Variants in KIRREL3 observed in about 807,000 individuals in gnomAD.
The protein encoded by KIRREL3 is kirre like nephrin family adhesion molecule 3.
In KIRREL3, 36 loss-of-function variants were observed where a neutral mutation model predicts 89.7. That is an observed-to-expected ratio of 0.40 (90% CI 0.31 to 0.53). The LOEUF is 0.53. Ranked by LOEUF, KIRREL3 falls within the 20% of genes least tolerant of loss-of-function variation. KIRREL3 has a pLI of 0.49. For missense variants in KIRREL3, 864 were observed against 1,056.6 expected (o/e 0.82, Z 2.53); for synonymous variants, 445 against 441.4 (o/e 1.01, Z -0.10).
chr11:126,679,290 A>G (rs1946344892), intron 1 of KIRREL3, among the ~76,000 whole-genome samples: 1 of 152,200 alleles, frequency 6.6e-6, no homozygotes, highest in Non-Finnish European at 1.5e-5. Flanking sequence ...TGTTAAGCAA[A>G]CAATATATAG....
chr11:126,673,239 A>G (rs1324064956), intron 1 of KIRREL3, among the ~76,000 whole-genome samples: 3 of 152,262 alleles, frequency 2.0e-5, no homozygotes, highest in African/African-American at 7.2e-5. Flanking sequence ...ACTTGGCTCG[A>G]AAGAGCGGAG....
intron 1 of KIRREL3, among the ~76,000 whole-genome samples, chr11:126,815,582 G>A (rs192610793): frequency 1.3e-5 from 2 of 152,194 alleles, no homozygotes; most frequent in East Asian, 3.9e-4. Context: ...CGCCCAGGCT[G>A]GAGTGCAGTG....
chr11:126,580,444 G>A (rs552090456), intron 1 of KIRREL3, among the ~76,000 whole-genome samples: 2 of 152,292 alleles, frequency 1.3e-5, no homozygotes, highest in East Asian at 1.9e-4. Context: ...AATGGCTTGA[G>A]CCAAGGGTTC....
rs1260273883 is a variant in KIRREL3, at chr11:126,612,938, T to C, written c.56-50026A>G. On this transcript the variant is annotated intron_variant, in intron 1 of 16. Transcript: ENST00000525144. This position sits in a 1 kb window ranked among gnomAD's most constrained non-coding sequence, Gnocchi z 4.5. ...TCGGCTATTGTGAATACTGCTGCTA[T>C]GAACATCTGTGTAAAGTTTTTGTGT... Among the ~76,000 whole-genome samples the C allele has an allele frequency of 6.6e-6, 1 of 152,252 alleles. No homozygotes were observed. The highest frequency in any genetic ancestry group is 2.4e-5 in the African/African-American group (1 of 41,458).
chr11:126,824,012 T>C (rs977878136), intron 1 of KIRREL3, among the ~76,000 whole-genome samples: 13 of 152,180 alleles, frequency 8.5e-5, no homozygotes, highest in Non-Finnish European at 1.5e-4. Flanking sequence ...TTGATGCTGA[T>C]TAAAGCTGAA....
In KIRREL3 at chr11:126,876,410, T is replaced by G. The variant is rs1362278010; in HGVS notation, c.55+124045A>C. Among the ~76,000 whole-genome samples, 1 of 152,196 alleles carries G rather than the reference T, an allele frequency of 6.6e-6. No individual in the cohort carries two copies. The highest frequency in any genetic ancestry group is 2.4e-5 in the African/African-American group (1 of 41,442). ...GGTGCCCATCTGGATAATTTCATCC[T>G]ACAGCACACCCAGGGAGAAAGAAGC... On this transcript the variant is annotated intron_variant, in intron 1 of 16. Coordinates refer to ENST00000525144, the MANE Select transcript of KIRREL3 (RefSeq NM_032531.4). The surrounding 1 kb of genome is among the most constrained non-coding windows in gnomAD (Gnocchi z 4.1).
intron 1 of KIRREL3, among the ~76,000 whole-genome samples, chr11:126,982,256 G>C (rs1949741936): frequency 6.6e-6 from 1 of 152,166 alleles, no homozygotes; most frequent in Non-Finnish European, 1.5e-5. Flanking sequence ...GCTTGTTAAG[G>C]TAGAGCTGTC....
chr11:126,904,404 G>C lies in KIRREL3; in HGVS notation c.55+96051C>G, dbSNP rs973651987. ...TTTACTGCATCTCTGACTGCAATAA[G>C]ACTGATCACTAGTGGGGATAGTGCA... On this transcript the variant is annotated intron_variant, in intron 1 of 16. Transcript: ENST00000525144. The surrounding 1 kb of genome is among the most constrained non-coding windows in gnomAD (Gnocchi z 4.4). Among the ~76,000 whole-genome samples, 1 of 152,168 alleles carries C rather than the reference G, an allele frequency of 6.6e-6. No individual in the cohort carries two copies. The highest frequency in any genetic ancestry group is 1.5e-5 in the Non-Finnish European group (1 of 68,034).
chr11:126,556,615 T>A (rs1314699484), intron 2 of KIRREL3, among the ~76,000 whole-genome samples: 1 of 152,204 alleles, frequency 6.6e-6, no homozygotes, highest in East Asian at 1.9e-4. Context: ...TCTAGCAGAA[T>A]GAAACCTTGT....
intron 1 of KIRREL3, among the ~76,000 whole-genome samples, chr11:126,826,436 C>A (rs1592184010): frequency 6.6e-6 from 1 of 152,188 alleles, no homozygotes; most frequent in South Asian, 2.1e-4. Flanking sequence ...TTTTTTATTG[C>A]TGTTTATTAA....
At chr11:126,436,776 G>T in intron 12 of KIRREL3, 35 bp downstream of exon 12, 1 of 1,610,980 alleles carries the variant, frequency 6.2e-7, no homozygotes, top group Non-Finnish European at 8.5e-7. Context: ...TGGTTCCATC[G>T]TTCGTTGTTC....
In KIRREL3 at chr11:126,568,335, C is replaced by T. The variant is rs917046802; in HGVS notation, c.56-5423G>A. ...AGAGAAGGGAGGCTGGCTGGGAGAC[C>T]GCTGCCATACTCCAGGTGGGAGATG... On this transcript the variant is annotated intron_variant, in intron 1 of 16. Coordinates refer to ENST00000525144, the MANE Select transcript of KIRREL3 (RefSeq NM_032531.4). This position sits in a 1 kb window ranked among gnomAD's most constrained non-coding sequence, Gnocchi z 4.6. Among the ~76,000 whole-genome samples, 17 of 152,162 alleles carry T rather than the reference C, an allele frequency of 1.1e-4. No homozygotes were observed. The highest frequency in any genetic ancestry group is 1.9e-4 in the Non-Finnish European group (13 of 68,022).
chr11:126,943,952 C>G lies in KIRREL3; in HGVS notation c.55+56503G>C, dbSNP rs2135123125. 6.6e-6 allele frequency among the ~76,000 whole-genome samples: 1 copy of G among 152,242 alleles called. No individual in the cohort carries two copies. Among genetic ancestry groups the G allele is most frequent in the South Asian group, 2.1e-4 (1 of 4,824 alleles). ...CAAAATATGTCACCTTGGCATTTGA[C>G]AAAACAGCAGAGGCAGGAAGTTTGC... On this transcript the variant is annotated intron_variant, in intron 1 of 16. Coordinates refer to ENST00000525144, the MANE Select transcript of KIRREL3 (RefSeq NM_032531.4). The surrounding 1 kb of genome is among the most constrained non-coding windows in gnomAD (Gnocchi z 4.2).
chr11:127,003,120 GA>G (rs55639536), upstream of KIRREL3: 19,214 of 139,652 alleles, frequency 0.14, 1,509 homozygotes, highest in African/African-American at 0.23. Flanking sequence ...CAGAAAGAAA[GA>G]AAAAAAAAAA....
At chr11:126,957,591 T>C (rs185907665) in intron 1 of KIRREL3, among the ~76,000 whole-genome samples, 68 of 152,308 alleles carry the variant, frequency 4.5e-4, no homozygotes, top group Non-Finnish European at 8.5e-4. Context: ...AGGAGCAGTC[T>C]AGTGAGTTGG....
chr11:126,817,091 G>T lies in KIRREL3; in HGVS notation c.55+183364C>A, dbSNP rs949720563. 6.6e-6 allele frequency among the ~76,000 whole-genome samples: 1 copy of T among 151,982 alleles called. No homozygotes were observed. Among genetic ancestry groups the T allele is most frequent in the Admixed American group, 6.6e-5 (1 of 15,248 alleles). On this transcript the variant is annotated intron_variant, in intron 1 of 16. Coordinates refer to ENST00000525144, the MANE Select transcript of KIRREL3 (RefSeq NM_032531.4). This position sits in a 1 kb window ranked among gnomAD's most constrained non-coding sequence, Gnocchi z 5.7. ...TTGCAGGGAGAAAAATAACAAATGA[G>T]GAAAGCCAACACTATTAAAATTAAT...
chr11:126,846,921 T>C (rs1944166388), intron 1 of KIRREL3, among the ~76,000 whole-genome samples: 1 of 152,178 alleles, frequency 6.6e-6, no homozygotes, highest in African/African-American at 2.4e-5. Flanking sequence ...GGGGGTATTA[T>C]ACAGTTTTTC....
chr11:126,768,908 G>A lies in KIRREL3; in HGVS notation c.56-205996C>T, dbSNP rs1281312844. Among the ~76,000 whole-genome samples the A allele has an allele frequency of 6.6e-6, 1 of 152,198 alleles. No individual in the cohort carries two copies. The highest frequency in any genetic ancestry group is 1.5e-5 in the Non-Finnish European group (1 of 68,034). On this transcript the variant is annotated intron_variant, in intron 1 of 16. Coordinates refer to ENST00000525144, the MANE Select transcript of KIRREL3 (RefSeq NM_032531.4). This position sits in a 1 kb window ranked among gnomAD's most constrained non-coding sequence, Gnocchi z 4.5. ...AGGCGATGTTGCTTCCCACATGCGT[G>A]GGAGCCGGTGAAGTGTTGTAAGCAG...
At position 126,641,546 on chromosome 11, in the gene KIRREL3, T is replaced by C. The variant is rs1017925684; in HGVS notation, c.56-78634A>G. On this transcript the variant is annotated intron_variant, in intron 1 of 16. Transcript: ENST00000525144. The surrounding 1 kb of genome is among the most constrained non-coding windows in gnomAD (Gnocchi z 5.0). ...CCACCTAGACTGTGAGCAAATAACA[T>C]TCTGGCCAGTGGGATATGTCTCACC... 1.3e-4 allele frequency among the ~76,000 whole-genome samples: 20 copies of C among 152,118 alleles called. No individual in the cohort carries two copies. Among genetic ancestry groups the C allele is most frequent in the African/African-American group, 4.6e-4 (19 of 41,428 alleles).
Sources: allele counts gnomAD v4.1 joint callset (sites outside exome capture counted in the v4.1 genomes callset), GRCh38; gene constraint gnomAD v4.1.1; non-coding constraint Gnocchi (gnomAD v3.1); transcripts MANE v1.5; gene names NCBI Gene and HGNC (gene_info 2026-07-23, HGNC 2026-07-21).